The following KANSL1 variants were observed in gnomAD, a reference collection of about 807,000 sequenced individuals.
The protein encoded by KANSL1 is MLL1/MLL complex subunit KANSL1.
A neutral mutation model predicts 103.6 loss-of-function variants in KANSL1; 22 were observed. That is an observed-to-expected ratio of 0.21 (90% CI 0.15 to 0.30). The LOEUF is 0.30. Ranked by LOEUF, KANSL1 falls within the 10% of genes least tolerant of loss-of-function variation. KANSL1 has a pLI of 1.00. For missense variants in KANSL1, 1,337 were observed against 1,399.8 expected (o/e 0.96, Z 0.72); for synonymous variants, 600 against 527.6 (o/e 1.14, Z -1.88).
At chr17:46,203,410 G>A (rs1430385283) in intron 1 of KANSL1, among the ~76,000 whole-genome samples, 1 of 152,162 alleles carries the variant, frequency 6.6e-6, no homozygotes, top group Non-Finnish European at 1.5e-5. Context: ...AAATGTGAAT[G>A]ATTATCTTCA....
intron 1 of KANSL1, among the ~76,000 whole-genome samples, chr17:46,181,656 T>C (rs1309272637): frequency 6.6e-6 from 1 of 152,194 alleles, no homozygotes; most frequent in East Asian, 1.9e-4. Flanking sequence ...GGTTTCGAAC[T>C]CCTGACCTCA....
rs745808485 is a variant in KANSL1 at position 46,033,412 on chromosome 17, C to T, written c.2715G>A (p.Glu905=). 3.1e-6 allele frequency: 5 copies of T among 1,613,210 alleles called. No individual in the cohort carries two copies. The highest frequency in any genetic ancestry group is 4.2e-6 in the Non-Finnish European group (5 of 1,179,898). Reference sequence around the variant, plus strand: ...AGAACCAGGCCATTACCTCTTCATTCTCCTCATCAGGACTCCCCTTCAGAG... The same window carrying T: ...AGAACCAGGCCATTACCTCTTCATTTTCCTCATCAGGACTCCCCTTCAGAG... ...LQSLKGSPDE[E]NEEIEDLSDA... Residue 905 remains glutamate, a synonymous_variant, in exon 12 of 15, where the codon GAG becomes GAA. Coordinates refer to ENST00000432791, the MANE Select transcript of KANSL1 (RefSeq NM_015443.4).
chr17:46,050,159 G>A (rs372270979), intron 7 of KANSL1: 34 of 184,538 alleles, frequency 1.8e-4, no homozygotes, highest in African/African-American at 7.1e-4. Flanking sequence ...CAGGTGATCC[G>A]TCCACCTCAG....
chr17:46,063,955 C>T (rs980568643), intron 6 of KANSL1, among the ~76,000 whole-genome samples: 9 of 131,226 alleles, frequency 6.9e-5, no homozygotes, highest in African/African-American at 2.6e-4. Context: ...AAGGAATTGA[C>T]AAAAAGCTAT....
Position 46,170,856 on chromosome 17 carries a change from G to A in KANSL1, c.1288C>T (p.Leu430=), listed in dbSNP as rs765515963. 16 of 1,598,042 alleles carry A rather than the reference G, an allele frequency of 1.0e-5. No homozygotes were observed. Among genetic ancestry groups the A allele is most frequent in the Non-Finnish European group, 1.2e-5 (14 of 1,172,130 alleles). Residue 430 remains leucine (L), a splice_region_variant and synonymous_variant, in exon 2 of 15, where the codon CTG becomes TTG. Coordinates refer to ENST00000432791, the MANE Select transcript of KANSL1 (RefSeq NM_015443.4). ...CTATCATGCATGAGGTCTACTCACA[G>A]GGGTACATGACGCTGCTCGGGATCA... The part of the protein sequence containing the change: ...RADPEQRHVP[L]RRRSEWKWAA...
intron 2 of KANSL1, among the ~76,000 whole-genome samples, chr17:46,132,783 G>C (rs1038296814): frequency 1.3e-5 from 2 of 152,130 alleles, no homozygotes; most frequent in Non-Finnish European, 1.5e-5. Flanking sequence ...TCTCTGAAAA[G>C]AATACAAGAA....
intron 8 of KANSL1, 174 bp downstream of exon 8, chr17:46,039,528 G>A (rs1015013203): frequency 1.1e-5 from 8 of 712,602 alleles, no homozygotes; most frequent in East Asian, 8.2e-5. Flanking sequence ...AATAGCTCCC[G>A]AAGTCCATCT....
At chr17:46,073,760 G>C (rs2078661051) in intron 4 of KANSL1, among the ~76,000 whole-genome samples, 1 of 152,090 alleles carries the variant, frequency 6.6e-6, no homozygotes, top group Admixed American at 6.6e-5. Flanking sequence ...ACTAACCTAC[G>C]TAACTTCAGA....
At chr17:46,166,177 T>C (rs1056780647) in intron 2 of KANSL1, among the ~76,000 whole-genome samples, 3 of 141,794 alleles carry the variant, frequency 2.1e-5, no homozygotes, top group East Asian at 2.2e-4. Context: ...CATGCCACTG[T>C]AACTCTAGCC....
At chr17:46,201,637 C>T (rs75233219) in intron 1 of KANSL1, among the ~76,000 whole-genome samples, 1 of 151,302 alleles carries the variant, frequency 6.6e-6, no homozygotes, top group Non-Finnish European at 1.5e-5. Context: ...TTTGGGAGAC[C>T]AAGATGGGAG....
At chr17:46,182,819 CT>C (rs2046852207) in intron 1 of KANSL1, among the ~76,000 whole-genome samples, 1 of 152,204 alleles carries the variant, frequency 6.6e-6, no homozygotes, top group Non-Finnish European at 1.5e-5. Flanking sequence ...AAAGCCGATG[CT>C]TTTAACTACT....
At chr17:46,067,489 G>A (rs1030046956) in intron 5 of KANSL1, 60 bp downstream of exon 5, 79 of 1,018,548 alleles carry the variant, frequency 7.8e-5, no homozygotes, top group Non-Finnish European at 1.2e-4. Flanking sequence ...AGAGAACTAA[G>A]AGCTCCAAAA....
intron 4 of KANSL1, among the ~76,000 whole-genome samples, chr17:46,075,342 A>G (rs112262016): frequency 8.9e-6 from 1 of 112,486 alleles, no homozygotes; most frequent in African/African-American, 2.6e-5. Flanking sequence ...ACACACACAC[A>G]CTCTCTCTTT....
chr17:46,171,440 T>G lies in KANSL1; in HGVS notation c.704A>C (p.Asn235Thr), dbSNP rs1196413209. The G allele has an allele frequency of 1.9e-6, 3 of 1,614,088 alleles. No homozygotes were observed. In the East Asian group the frequency reaches 6.7e-5, roughly 36 times the overall value. Residue 235 changes from asparagine to threonine, a missense_variant, in exon 2 of 15, where the codon AAT becomes ACT. Transcript: ENST00000432791. ...NNSTANKSSV[N>T]SMEQPALQGS... Reference sequence around the variant, plus strand: ...TTGAAGTGCCGGCTGTTCCATGGAATTGACAGAGGATTTGTTTGCAGTGCT... The same window carrying G: ...TTGAAGTGCCGGCTGTTCCATGGAAGTGACAGAGGATTTGTTTGCAGTGCT...
chr17:46,194,650 G>GA (rs1288442321), upstream of KANSL1, among the ~76,000 whole-genome samples: 3 of 152,178 alleles, frequency 2.0e-5, no homozygotes, highest in Non-Finnish European at 4.4e-5. Flanking sequence ...AATGACTGAA[G>GA]AAAAAATCGT....
intron 2 of KANSL1, among the ~76,000 whole-genome samples, chr17:46,149,669 A>G (rs962354988): frequency 1.3e-5 from 2 of 152,214 alleles, no homozygotes; most frequent in Non-Finnish European, 2.9e-5. Context: ...ACTAATATCA[A>G]CTTTCCTAAA....
At chr17:46,050,734 T>G in intron 6 of KANSL1, 30 bp from the exon 7 acceptor site, 2 of 1,591,552 alleles carry the variant, frequency 1.3e-6, no homozygotes, top group Non-Finnish European at 1.7e-6. Context: ...AAACTGACAA[T>G]TCAGCATCTG....
chr17:46,114,391 A>G (rs1269560892), intron 2 of KANSL1, among the ~76,000 whole-genome samples: 1 of 152,180 alleles, frequency 6.6e-6, no homozygotes, highest in Non-Finnish European at 1.5e-5. Context: ...TAAAACATCT[A>G]ACTGAATCAG....
chr17:46,170,928 T>C lies in KANSL1; in HGVS notation c.1216A>G (p.Ser406Gly). 6.2e-7 allele frequency: 1 copy of C among 1,614,190 alleles called. No homozygotes were observed. Among genetic ancestry groups the C allele is most frequent in the Non-Finnish European group, 8.5e-7 (1 of 1,180,048 alleles). The change falls in exon 2 of 15, where the codon AGT (serine) becomes GGT (glycine). Residue 406 changes from serine (S) to glycine (G), a missense_variant. Around this residue, in one of 2 missense-constraint regions of KANSL1, gnomAD observed 780 missense variants for 923.4 expected, o/e 0.84. Transcript: ENST00000432791. ...TCAATATCAGACTCCCCTCCTGAAC[T>C]ACTGTCAGTGACATCTGAATCAAAT... Reference protein sequence around the residue: ...QAFDSDVTDSSSGGESDIEEE... With the variant: ...QAFDSDVTDSGSGGESDIEEE...
Sources: allele counts gnomAD v4.1 joint callset (sites outside exome capture counted in the v4.1 genomes callset), GRCh38; gene constraint gnomAD v4.1.1; regional missense constraint gnomAD v4.1.1; transcripts MANE v1.5; gene names NCBI Gene and HGNC (gene_info 2026-07-23, HGNC 2026-07-21).